Variants in TBC1D22A observed in about 807,000 individuals in gnomAD.
TBC1D22A encodes putative GTPase activator.
In TBC1D22A, 38 loss-of-function variants were observed where a neutral mutation model predicts 60.2. The ratio of observed to expected loss-of-function variants is 0.63; its 90% CI spans 0.49 to 0.83. TBC1D22A has a LOEUF of 0.83. TBC1D22A is among the 40% of genes least tolerant of loss of function. The probability of loss-of-function intolerance (pLI) is 0.00; values close to 1 mark genes in which losing one functional copy is unlikely to be tolerated. For missense variants in TBC1D22A, 628 were observed against 701.0 expected, an observed-to-expected ratio of 0.90 and a Z score of 1.18; for synonymous variants, 302 against 281.7, an observed-to-expected ratio of 1.07 and a Z score of -0.72.
At chr22:46,917,310 G>T (rs887773781) in intron 8 of TBC1D22A, among the ~76,000 whole-genome samples, 1 of 152,206 alleles carries the variant, frequency 6.6e-6, no homozygotes, top group Admixed American at 6.5e-5. Context: ...CTGGTCTAGA[G>T]ACACTGAGGG....
intron 8 of TBC1D22A, among the ~76,000 whole-genome samples, chr22:46,923,496 T>A (rs1005467508): frequency 2.0e-5 from 3 of 152,228 alleles, no homozygotes; most frequent in African/African-American, 7.2e-5. Context: ...GTCTCTTCTC[T>A]AGGTTGCTAG....
chr22:47,096,917 T>C (rs565150537), intron 11 of TBC1D22A, among the ~76,000 whole-genome samples: 2 of 152,232 alleles, frequency 1.3e-5, no homozygotes, highest in Non-Finnish European at 2.9e-5. Flanking sequence ...TCAGTTCGCG[T>C]GTGGTGTGCA....
chr22:47,154,290 C>A (rs757595226), intron 12 of TBC1D22A, among the ~76,000 whole-genome samples: 20 of 152,214 alleles, frequency 1.3e-4, no homozygotes, highest in Non-Finnish European at 2.1e-4. Flanking sequence ...TATGGCCCTG[C>A]CACGCGCTGA....
chr22:46,836,894 C>T (rs2086546368), intron 4 of TBC1D22A, among the ~76,000 whole-genome samples: 1 of 151,858 alleles, frequency 6.6e-6, no homozygotes, highest in Admixed American at 6.6e-5. Flanking sequence ...TGCAGTGGCT[C>T]ATGCCTATAA....
At chr22:46,905,736 C>A (rs907251660) in intron 7 of TBC1D22A, among the ~76,000 whole-genome samples, 5 of 152,224 alleles carry the variant, frequency 3.3e-5, no homozygotes, top group African/African-American at 4.8e-5. Context: ...AGGGGCCAAG[C>A]TTCCCCCTGC....
intron 10 of TBC1D22A, among the ~76,000 whole-genome samples, chr22:47,012,021 C>T (rs1463252190): frequency 1.3e-5 from 2 of 152,176 alleles, no homozygotes; most frequent in Non-Finnish European, 2.9e-5. Flanking sequence ...GTCCCCACCC[C>T]GCCCCCAGCT....
At chr22:46,821,613 C>G (rs998621517) in intron 4 of TBC1D22A, among the ~76,000 whole-genome samples, 1 of 152,134 alleles carries the variant, frequency 6.6e-6, no homozygotes, top group Admixed American at 6.5e-5. Flanking sequence ...TGCTGTTAGT[C>G]TGATGGGCTT....
intron 5 of TBC1D22A, among the ~76,000 whole-genome samples, chr22:46,891,012 G>A (rs539373770): frequency 3.9e-5 from 6 of 152,246 alleles, no homozygotes; most frequent in African/African-American, 1.4e-4. Flanking sequence ...AGTGGGGAGG[G>A]CCTGCACCGG....
intron 11 of TBC1D22A, among the ~76,000 whole-genome samples, chr22:47,070,274 T>C (rs1603231251): frequency 6.9e-6 from 1 of 145,054 alleles, no homozygotes; most frequent in African/African-American, 2.6e-5. Context: ...GGTTGGACGC[T>C]GTCCCCTGTT....
chr22:46,954,780 AT>A (rs922169152), intron 8 of TBC1D22A, among the ~76,000 whole-genome samples: 1 of 152,212 alleles, frequency 6.6e-6, no homozygotes, highest in South Asian at 2.1e-4. Context: ...ATTTCTTAAC[AT>A]TTTTTTAGCC....
At chr22:47,074,590 AC>A (rs1248429480) in intron 11 of TBC1D22A, among the ~76,000 whole-genome samples, 2 of 152,258 alleles carry the variant, frequency 1.3e-5, no homozygotes, top group African/African-American at 4.8e-5. Flanking sequence ...TTAGATGCAT[AC>A]AATCTAATAT....
intron 8 of TBC1D22A, among the ~76,000 whole-genome samples, chr22:46,959,820 C>T (rs1341803795): frequency 1.3e-5 from 2 of 152,190 alleles, no homozygotes; most frequent in Non-Finnish European, 2.9e-5. Flanking sequence ...CCAGACTCCA[C>T]GTTTTCTAAT....
intron 9 of TBC1D22A, among the ~76,000 whole-genome samples, chr22:46,991,383 T>C (rs909235229): frequency 6.6e-6 from 1 of 152,146 alleles, no homozygotes; most frequent in Non-Finnish European, 1.5e-5. Context: ...CTGGGAGGGA[T>C]AGCGAATGTG....
intron 4 of TBC1D22A, among the ~76,000 whole-genome samples, chr22:46,840,603 T>G (rs1041959284): frequency 1.7e-4 from 26 of 152,016 alleles, no homozygotes; most frequent in African/African-American, 4.3e-4. Flanking sequence ...CATGGTAGTG[T>G]GCGCCTGTAG....
chr22:46,815,917 C>T (rs1356065877), intron 4 of TBC1D22A, among the ~76,000 whole-genome samples: 1 of 152,074 alleles, frequency 6.6e-6, no homozygotes, highest in Non-Finnish European at 1.5e-5. Flanking sequence ...AGATAATCGG[C>T]TGGAGCCCGT....
chr22:47,170,279 C>T (rs890026750), intron 12 of TBC1D22A, among the ~76,000 whole-genome samples: 3 of 152,054 alleles, frequency 2.0e-5, no homozygotes, highest in Non-Finnish European at 2.9e-5. Context: ...GCAGTAGAGT[C>T]GGTGAGTTAC....
intron 4 of TBC1D22A, among the ~76,000 whole-genome samples, chr22:46,849,355 GTC>G (rs765046629): frequency 1.1e-4 from 17 of 152,152 alleles, no homozygotes; most frequent in Admixed American, 2.0e-4. Flanking sequence ...ACACCTTTTT[GTC>G]TCTCAGTGTT....
intron 4 of TBC1D22A, among the ~76,000 whole-genome samples, chr22:46,815,697 T>C (rs562115053): frequency 9.9e-5 from 15 of 152,282 alleles, no homozygotes; most frequent in African/African-American, 3.6e-4. Flanking sequence ...CAAAGATGTA[T>C]TTGTGAGTGG....
At chr22:46,929,418 C>T (rs540555711) in intron 8 of TBC1D22A, among the ~76,000 whole-genome samples, 11 of 152,308 alleles carry the variant, frequency 7.2e-5, no homozygotes, top group African/African-American at 2.6e-4. Flanking sequence ...CTTACTCTAT[C>T]TTTGGTATTT....
Sources: gnomAD v4.1 joint callset for allele counts (sites outside exome capture counted in the v4.1 genomes callset) on GRCh38, gnomAD v4.1.1 for gene constraint, MANE v1.5 for transcripts, NCBI Gene and HGNC (gene_info 2026-07-23, HGNC 2026-07-21) for gene names.